The following CDIN1 variants were observed in gnomAD, a reference collection of about 807,000 sequenced individuals.
The protein encoded by CDIN1 is CDAN1-interacting nuclease 1.
Under a neutral mutation model 45.3 loss-of-function variants are expected in CDIN1, and 33 were observed. The observed-to-expected ratio is 0.73, with a 90% CI of 0.55 to 0.97. The LOEUF (loss-of-function observed/expected upper bound fraction) is 0.97, where lower values mean the gene tolerates loss of function less well. CDIN1 is among the 50% of genes least tolerant of loss of function. CDIN1 has a pLI of 0.00. For missense variants in CDIN1, 303 were observed against 339.4 expected (o/e 0.89, Z 0.84); for synonymous variants, 118 against 124.4 (o/e 0.95, Z 0.34).
intron 3 of CDIN1, among the ~76,000 whole-genome samples, chr15:36,646,420 CACACAG>C (rs577115597): frequency 7.2e-5 from 11 of 152,220 alleles, no homozygotes; most frequent in Admixed American, 2.0e-4. Flanking sequence ...TCATTACACA[CACACAG>C]ACACAGACAC....
intron 5 of CDIN1, among the ~76,000 whole-genome samples, chr15:36,669,521 C>G (rs912537239): frequency 6.6e-6 from 1 of 151,996 alleles, no homozygotes; most frequent in Non-Finnish European, 1.5e-5. Flanking sequence ...TTTTAGTTAT[C>G]CCTAATGTTA....
chr15:36,708,621 A>T (rs903234268), intron 8 of CDIN1: 2 of 152,106 alleles, frequency 1.3e-5, no homozygotes, highest in Non-Finnish European at 1.5e-5. Flanking sequence ...TAAAGCCTTA[A>T]AATTGCTTTT....
intron 10 of CDIN1, among the ~76,000 whole-genome samples, chr15:36,711,007 T>G (rs1284221084): frequency 1.4e-4 from 21 of 152,198 alleles, no homozygotes; most frequent in Admixed American, 1.4e-3. Context: ...TAATTGTGCG[T>G]GGCATCCGAG....
At chr15:36,583,745 T>C (rs1472057818) in intron 1 of CDIN1, among the ~76,000 whole-genome samples, 2 of 152,188 alleles carry the variant, frequency 1.3e-5, no homozygotes, top group African/African-American at 4.8e-5. Context: ...GGCTGGGCAC[T>C]GTGGCTCAAG....
intron 1 of CDIN1, among the ~76,000 whole-genome samples, chr15:36,599,343 G>A (rs992654194): frequency 3.3e-5 from 5 of 152,150 alleles, no homozygotes; most frequent in African/African-American, 9.7e-5. Context: ...TTATATTTTA[G>A]TATATGAAGC....
intron 3 of CDIN1, among the ~76,000 whole-genome samples, chr15:36,649,051 C>T (rs1168463435): frequency 6.6e-6 from 1 of 152,168 alleles, no homozygotes; most frequent in Non-Finnish European, 1.5e-5. Flanking sequence ...TAATTATCCC[C>T]CACATCAAAG....
At chr15:36,614,896 T>C (rs568056103) in intron 1 of CDIN1, among the ~76,000 whole-genome samples, 4 of 152,322 alleles carry the variant, frequency 2.6e-5, no homozygotes, top group East Asian at 1.9e-4. Context: ...AAAATTTTTG[T>C]CCCATCTCTA....
At chr15:36,677,004 A>T (rs1340538728) in intron 5 of CDIN1, among the ~76,000 whole-genome samples, 3 of 152,136 alleles carry the variant, frequency 2.0e-5, no homozygotes, top group African/African-American at 7.2e-5. Flanking sequence ...TCTTTGGGAG[A>T]TGAGTCATTA....
At chr15:36,706,692 T>A (rs2140814988) in intron 8 of CDIN1, 1 of 152,248 alleles carries the variant, frequency 6.6e-6, no homozygotes, top group South Asian at 2.1e-4. Flanking sequence ...CTGTCTTTTT[T>A]ACAAAATTGA....
chr15:36,651,679 G>C (rs1353173975), intron 3 of CDIN1, among the ~76,000 whole-genome samples: 12 of 152,094 alleles, frequency 7.9e-5, no homozygotes, highest in Non-Finnish European at 1.8e-4. Context: ...AGGGATCAGG[G>C]TTCTATTTCA....
At chr15:36,717,978 GA>G (rs1156505975) in intron 10 of CDIN1, among the ~76,000 whole-genome samples, 1 of 151,954 alleles carries the variant, frequency 6.6e-6, no homozygotes, top group East Asian at 1.9e-4. Context: ...TGTTTTCTTG[GA>G]AAAGTTTCTC....
rs555373424 is a variant in CDIN1, at chr15:36,692,312, G to A, written c.476+137G>A. The A allele has an allele frequency of 1.4e-5, 11 of 774,460 alleles. No homozygotes were observed. The African/African-American group carries it at 1.9e-4, about 14-fold the overall frequency. The allele number at this position is 774,460 out of a possible 1,614,324, so 48.0% of individuals were successfully genotyped here. A position where few individuals can be genotyped will look rare whatever the true frequency, so the allele number is the denominator to read the frequency against. ...TCTTCTATTTTACATTCAATCAACTGGAGGGTCACTACAGACCATTCTTTT... is the reference window on the plus strand; with the variant it reads ...TCTTCTATTTTACATTCAATCAACTAGAGGGTCACTACAGACCATTCTTTT... On this transcript the variant is annotated intron_variant, in intron 7 of 10. Coordinates refer to ENST00000566621, the MANE Select transcript of CDIN1 (RefSeq NM_001321759.2).
intron 8 of CDIN1, among the ~76,000 whole-genome samples, chr15:36,700,333 C>A (rs114487381): frequency 0.018 from 2,812 of 152,230 alleles, 97 homozygotes; most frequent in African/African-American, 0.065. Flanking sequence ...TCTCTCTGAT[C>A]CAGTGAGAAT....
chr15:36,713,898 A>G (rs958510002), intron 10 of CDIN1, among the ~76,000 whole-genome samples: 1 of 152,312 alleles, frequency 6.6e-6, no homozygotes, highest in Non-Finnish European at 1.5e-5. Flanking sequence ...TCGCTTGTTT[A>G]CTTGTCAACC....
Position 36,585,904 on chromosome 15 carries a change from T to C in CDIN1, c.101+5943T>C, listed in dbSNP as rs145408018. Among the ~76,000 whole-genome samples, 120 of 152,296 alleles carry C rather than the reference T, an allele frequency of 7.9e-4. 1 individual carries two copies. The highest frequency in any genetic ancestry group is 1.4e-3 in the Non-Finnish European group (95 of 68,032). On this transcript the variant is annotated intron_variant, in intron 1 of 10. Coordinates refer to ENST00000566621, the MANE Select transcript of CDIN1 (RefSeq NM_001321759.2). ...TATGTATTACTTGAGAGTGGAAATA[T>C]AACCATAACTTGCTAACCTGTACTG...
intron 5 of CDIN1, among the ~76,000 whole-genome samples, chr15:36,659,755 C>A (rs1401571175): frequency 1.3e-5 from 2 of 151,186 alleles, no homozygotes; most frequent in Non-Finnish European, 2.9e-5. Flanking sequence ...GTCAAAAATG[C>A]TGTATTAAAA....
intron 10 of CDIN1, among the ~76,000 whole-genome samples, chr15:36,787,299 A>C (rs937286263): frequency 6.6e-6 from 1 of 152,080 alleles, no homozygotes; most frequent in Non-Finnish European, 1.5e-5. Context: ...ACCAAATAGA[A>C]ATTTCACCTT....
chr15:36,580,019 C>G, intron 1 of CDIN1, 58 bp downstream of exon 1: 2 of 1,469,134 alleles, frequency 1.4e-6, no homozygotes, highest in Non-Finnish European at 1.9e-6. Context: ...GTGCCTGGGC[C>G]GCCCAGGCAG....
intron 10 of CDIN1, among the ~76,000 whole-genome samples, chr15:36,710,632 C>T (rs989235170): frequency 7.2e-5 from 11 of 152,282 alleles, no homozygotes; most frequent in South Asian, 2.1e-4. Context: ...TCCAGCACAA[C>T]CCTATTGTCA....
Sources: gnomAD v4.1 joint callset for allele counts (sites outside exome capture counted in the v4.1 genomes callset) on GRCh38, gnomAD v4.1.1 for gene constraint, MANE v1.5 for transcripts, NCBI Gene and HGNC (gene_info 2026-07-23, HGNC 2026-07-21) for gene names.